ARHGAP29: variants seen among roughly 807,000 people sequenced by gnomAD.
ARHGAP29 encodes the protein rho GTPase-activating protein 29.
In ARHGAP29, 43 loss-of-function variants were observed where a neutral mutation model predicts 122.6. The ratio of observed to expected loss-of-function variants is 0.35; its 90% CI spans 0.27 to 0.45. The LOEUF (loss-of-function observed/expected upper bound fraction) is 0.45. ARHGAP29 is among the 20% of genes least tolerant of loss of function. The pLI, the probability that ARHGAP29 is intolerant of heterozygous loss-of-function variation, is 1.00. For synonymous variants in ARHGAP29, 506 were observed against 497.1 expected (o/e 1.02, Z -0.24); for missense variants, 1,303 against 1,477.2 (o/e 0.88, Z 1.93).
At chr1:94,307,700 A>G in the ARHGAP29 span, among the ~76,000 whole-genome samples, 1 of 152,220 alleles carries the variant, frequency 6.6e-6, no homozygotes, top group African/African-American at 2.4e-5. Context: ...TATTTAACAA[A>G]TGGTGTTGAA....
At chr1:94,249,262 CACAA>C (rs1653983172) in intron 1 of ARHGAP29, among the ~76,000 whole-genome samples, 1 of 152,164 alleles carries the variant, frequency 6.6e-6, no homozygotes, top group Admixed American at 6.5e-5. Context: ...CTAACAGACA[CACAA>C]ACAAGAAATC....
intron 1 of ARHGAP29, chr1:94,250,611 C>T (rs1654044896): frequency 6.6e-6 from 1 of 152,184 alleles, no homozygotes; most frequent in African/African-American, 2.4e-5. Flanking sequence ...ATCTTGATTC[C>T]ATGATGGGTG....
intron 3 of ARHGAP29, among the ~76,000 whole-genome samples, chr1:94,214,888 T>A (rs1157016855): frequency 1.3e-5 from 2 of 152,084 alleles, no homozygotes; most frequent in Non-Finnish European, 2.9e-5. Context: ...CATGACTGAG[T>A]ATTCTATACA....
At chr1:94,192,474 A>G (rs1350815589) in intron 12 of ARHGAP29, 2 of 152,186 alleles carry the variant, frequency 1.3e-5, no homozygotes, top group Non-Finnish European at 2.9e-5. Context: ...AAACAGTAGA[A>G]GAAAACTCCC....
At chr1:94,274,554 A>G (rs1655113484) in intron 1 of ARHGAP29, among the ~76,000 whole-genome samples, 1 of 152,244 alleles carries the variant, frequency 6.6e-6, no homozygotes, top group Non-Finnish European at 1.5e-5. Flanking sequence ...TGGTCACAGA[A>G]ACCTTAATGG....
At chr1:94,202,852 A>G (rs1417407787) in intron 10 of ARHGAP29, 66 bp downstream of exon 10, 1 of 1,534,402 alleles carries the variant, frequency 6.5e-7, no homozygotes, top group Admixed American at 2.0e-5. Flanking sequence ...AAGGAAGGTC[A>G]GTATATACTG....
chr1:94,305,603 A>C, the ARHGAP29 span, among the ~76,000 whole-genome samples: 1 of 152,164 alleles, frequency 6.6e-6, no homozygotes, highest in Non-Finnish European at 1.5e-5. Context: ...TTTGTAATGG[A>C]CCTGATGAGA....
At chr1:94,284,962 C>T in the ARHGAP29 span, among the ~76,000 whole-genome samples, 1 of 152,186 alleles carries the variant, frequency 6.6e-6, no homozygotes, top group African/African-American at 2.4e-5. Flanking sequence ...ATTAGGAGTA[C>T]AAACACTCTT....
At chr1:94,189,845 TCTC>T (rs1356833567) in intron 13 of ARHGAP29, 78 bp downstream of exon 13, 3 of 1,388,160 alleles carry the variant, frequency 2.2e-6, no homozygotes, top group Admixed American at 2.3e-5. Context: ...GTTAGAAAAG[TCTC>T]CTCCTTGTAC....
chr1:94,299,137 ATGT>A, the ARHGAP29 span, among the ~76,000 whole-genome samples: 4,593 of 152,284 alleles, frequency 0.03, 243 homozygotes, highest in African/African-American at 0.11. Flanking sequence ...TGCAGTATTA[ATGT>A]TGTTTTCTCC....
In ARHGAP29 at chr1:94,169,779, T is replaced by A. The variant is rs1039453773; in HGVS notation, c.*4090A>T. ...ACTTGGGGTAGGGAGTAGGAAAAAGTGTAAGATGAGCTCGTAAAAAAAATA... is the reference window on the plus strand; with the variant it reads ...ACTTGGGGTAGGGAGTAGGAAAAAGAGTAAGATGAGCTCGTAAAAAAAATA... On this transcript the variant is annotated 3_prime_UTR_variant, in exon 23 of 23. Coordinates refer to ENST00000260526, the MANE Select transcript of ARHGAP29 (RefSeq NM_004815.4). Among the ~76,000 whole-genome samples, 1 of 151,814 alleles carries A rather than the reference T, an allele frequency of 6.6e-6. No individual in the cohort carries two copies. The highest frequency in any genetic ancestry group is 1.5e-5 in the Non-Finnish European group (1 of 67,946).
chr1:94,231,526 A>T lies in ARHGAP29; in HGVS notation c.86T>A (p.Met29Lys). 1 of 1,613,848 alleles carries T rather than the reference A, an allele frequency of 6.2e-7. No homozygotes were observed. Among genetic ancestry groups the T allele is most frequent in the Non-Finnish European group, 8.5e-7 (1 of 1,179,766 alleles). Reference sequence around the variant, plus strand: ...GTTGGAACTTAAGGACTTGAGCCCCATTTCAGAAGTTGTAATATCAGTAGA... The same window carrying T: ...GTTGGAACTTAAGGACTTGAGCCCCTTTTCAGAAGTTGTAATATCAGTAGA... ...QLSTDITTSE[M>K]GLKSLSSNSI... The change falls in exon 2 of 23, where the codon ATG (methionine) becomes AAG (lysine). Residue 29 changes from methionine (M) to lysine (K), a missense_variant. Coordinates refer to ENST00000260526, the MANE Select transcript of ARHGAP29 (RefSeq NM_004815.4).
chr1:94,238,330 A>G (rs1267057326), upstream of ARHGAP29, among the ~76,000 whole-genome samples: 3 of 151,764 alleles, frequency 2.0e-5, no homozygotes, highest in Non-Finnish European at 4.4e-5. Flanking sequence ...CAGCCTCCCA[A>G]AGTACTGGGA....
At chr1:94,200,993 G>A (rs1213796544) in intron 12 of ARHGAP29, among the ~76,000 whole-genome samples, 1 of 152,114 alleles carries the variant, frequency 6.6e-6, no homozygotes, top group Admixed American at 6.5e-5. Flanking sequence ...GTTAAAACTT[G>A]TGGACTATAC....
At chr1:94,228,805 T>C (rs150604547) in intron 2 of ARHGAP29, among the ~76,000 whole-genome samples, 168 of 151,916 alleles carry the variant, frequency 1.1e-3, no homozygotes, top group African/African-American at 3.8e-3. Context: ...AGCCTCAACC[T>C]ATGATTAAAC....
At chr1:94,179,582 G>C in intron 20 of ARHGAP29, 143 bp downstream of exon 20, 1 of 544,528 alleles carries the variant, frequency 1.8e-6, no homozygotes, top group Non-Finnish European at 2.9e-6. Flanking sequence ...GACAGAGCGA[G>C]ACTCTGTCTC....
At chr1:94,264,587 C>G (rs1298469062) in intron 1 of ARHGAP29, among the ~76,000 whole-genome samples, 1 of 152,144 alleles carries the variant, frequency 6.6e-6, no homozygotes, top group Non-Finnish European at 1.5e-5. Context: ...GAGTCCCATC[C>G]TATGTTCTGC....
the ARHGAP29 span, among the ~76,000 whole-genome samples, chr1:94,291,802 G>T: frequency 2.0e-5 from 3 of 152,150 alleles, no homozygotes; most frequent in Non-Finnish European, 4.4e-5. Context: ...TGACTTGTAG[G>T]GTTTCTGTCA....
rs763186439 is a variant in ARHGAP29 at position 94,174,316 on chromosome 1, A to T, written c.3339T>A (p.Ile1113=). ...TGGCATTGATAGAATGGTCCCCACT[A>T]ATCTGGAGGCTTGTTGTCACTCCTT... ...QEKGVTTSLQ[I]SGDHSINATQ... Residue 1113 remains isoleucine (I), a synonymous_variant, in exon 23 of 23, where the codon ATT becomes ATA. Coordinates refer to ENST00000260526, the MANE Select transcript of ARHGAP29 (RefSeq NM_004815.4). 2.5e-6 allele frequency: 4 copies of T among 1,614,120 alleles called. No individual in the cohort carries two copies. The highest frequency in any genetic ancestry group is 1.1e-5 in the South Asian group (1 of 91,084).
Sources: allele counts gnomAD v4.1 joint callset (sites outside exome capture counted in the v4.1 genomes callset), GRCh38; gene constraint gnomAD v4.1.1; transcripts MANE v1.5; gene names NCBI Gene and HGNC (gene_info 2026-07-23, HGNC 2026-07-21).